ATP6AP1: variants seen among roughly 807,000 people sequenced by gnomAD.
ATP6AP1 encodes ATPase H+ transporting accessory protein 1, also known as V-type proton ATPase subunit S1.
A neutral mutation model predicts 32.0 loss-of-function variants in ATP6AP1; 1 was observed. The ratio of observed to expected loss-of-function variants is 0.03; its 90% CI spans 0.01 to 0.15. ATP6AP1 has a LOEUF of 0.15. ATP6AP1 is among the 10% of genes least tolerant of loss of function. The pLI is 1.00. For synonymous variants in ATP6AP1, 187 were observed against 174.9 expected (o/e 1.07, Z -0.55); for missense variants, 297 against 398.8 (o/e 0.74, Z 2.17).
At chrX:154,432,503 G>A (rs1557197001) in intron 4 of ATP6AP1, 44 bp downstream of exon 4, 2 of 1,134,234 alleles carry the variant, frequency 1.8e-6, no homozygotes, top group Admixed American at 5.5e-5. Context: ...GGCCCAGAGA[G>A]CAGCAAGGCC....
At chrX:154,431,447 T>C (rs1455382721) in intron 2 of ATP6AP1, 1 of 184,205 alleles carries the variant, frequency 5.4e-6, no homozygotes, top group East Asian at 1.3e-4. Flanking sequence ...TCCTTTTCTC[T>C]GGCTGGGAGG....
chrX:154,433,363 T>C (rs1185758174), intron 5 of ATP6AP1, among the ~76,000 whole-genome samples: 2 of 111,806 alleles, frequency 1.8e-5, no homozygotes, highest in Non-Finnish European at 3.8e-5. Context: ...CTTTCATGGG[T>C]GGATGTGGAG....
intron 1 of ATP6AP1, 85 bp downstream of exon 1, chrX:154,428,938 G>T: frequency 8.8e-7 from 1 of 1,131,364 alleles, no homozygotes; most frequent in East Asian, 3.3e-5. Context: ...GGGTGGTGAG[G>T]CCCGGAGGTG....
At position 154,432,437 on chromosome X, in the gene ATP6AP1, A is replaced by C; in HGVS notation, c.535A>C (p.Ile179Leu). The C allele has an allele frequency of 8.4e-7, 1 of 1,191,491 alleles. No individual in the cohort carries two copies. The highest frequency in any genetic ancestry group is 1.1e-6 in the Non-Finnish European group (1 of 885,300). Residue 179 changes from isoleucine (I) to leucine (L), a missense_variant, in exon 4 of 10, where the codon ATT becomes CTT. This residue lies in a region of ATP6AP1 where 155 missense variants were observed against 253.8 expected (regional missense o/e 0.61). Transcript: ENST00000369762. Reference sequence around the variant, plus strand: ...TGCCAGCCTCCCTGCTCTGCTGCTCATTCGCCTGCCCTACACAGCCAGGTA... The same window carrying C: ...TGCCAGCCTCCCTGCTCTGCTGCTCCTTCGCCTGCCCTACACAGCCAGGTA... ...LNASLPALLLIRLPYTASSGL... is the reference protein window; with the variant it reads ...LNASLPALLLLRLPYTASSGL...
rs1557197647 is a variant in ATP6AP1 at position 154,436,031 on chromosome X, C to T, written c.*140C>T. On this transcript the variant is annotated 3_prime_UTR_variant, in exon 10 of 10. Transcript: ENST00000369762. ...CTCCCCTCAGCCCATCTTGCTCCCT[C>T]TTCAGCCCGCTGAGGAGCTTTCTTG... is the stretch of plus-strand genomic sequence containing the variant. 6.8e-6 allele frequency: 4 copies of T among 588,252 alleles called. No individual in the cohort carries two copies. The highest frequency in any genetic ancestry group is 4.5e-5 in the African/African-American group (2 of 44,382). The allele number at this position is 588,252 out of a possible 1,213,427, so 48.5% of individuals were successfully genotyped here.
intron 4 of ATP6AP1, 143 bp from the exon 5 acceptor site, chrX:154,432,788 T>C (rs782107910): frequency 1.9e-4 from 138 of 736,785 alleles, no homozygotes; most frequent in Non-Finnish European, 2.7e-4. Context: ...TGGGATGGGC[T>C]TCCAGGAGGG....
chrX:154,435,112 A>G lies in ATP6AP1; in HGVS notation c.924-27A>G, dbSNP rs73638280. 26,392 of 1,199,224 alleles carry G rather than the reference A, an allele frequency of 0.022. 3,656 individuals carry two copies. The African/African-American group carries it at 0.41, about 19-fold the overall frequency. On this transcript the variant is annotated intron_variant, in intron 7 of 9. Transcript: ENST00000369762. ...GCCAAAGGCCCTCCCAGAGCCTCAC[A>G]GTGCGCCTCTTTCTCTGGCCCCACA...
At chrX:154,434,628 G>C (rs782424252) in intron 7 of ATP6AP1, among the ~76,000 whole-genome samples, 182 bp downstream of exon 7, 1 of 111,592 alleles carries the variant, frequency 9.0e-6, no homozygotes, top group Admixed American at 9.4e-5. Context: ...TGCTGTTGGA[G>C]GGGGAGTTGC....
chrX:154,433,176 C>G (rs1321582962), intron 5 of ATP6AP1, among the ~76,000 whole-genome samples: 1 of 112,040 alleles, frequency 8.9e-6, no homozygotes, highest in Non-Finnish European at 1.9e-5. Flanking sequence ...CCAGACCCCA[C>G]TTGGCAGAGG....
rs190656483 is a variant in ATP6AP1 at position 154,436,283 on chromosome X, G to A, written c.*392G>A. On this transcript the variant is annotated 3_prime_UTR_variant, in exon 10 of 10. Transcript: ENST00000369762. ...GCTCCCTGAGTTTGGGAGTGTGGAA[G>A]TACTACTTAACTGTCTGTCCTGCTT... 1 of 180,034 alleles carries A rather than the reference G, an allele frequency of 5.6e-6. No individual in the cohort carries two copies. Among genetic ancestry groups the A allele is most frequent in the Non-Finnish European group, 1.0e-5 (1 of 96,736 alleles). 14.8% of individuals were successfully genotyped at this position (180,034 alleles called of 1,213,427 possible). A position where few individuals can be genotyped will look rare whatever the true frequency, so the allele number is the denominator to read the frequency against.
In ATP6AP1 at chrX:154,435,932, T is replaced by C; in HGVS notation, c.*41T>C. The C allele has an allele frequency of 8.7e-7, 1 of 1,151,264 alleles. No homozygotes were observed. The highest frequency in any genetic ancestry group is 1.2e-6 in the Non-Finnish European group (1 of 843,171). The allele number at this position is 1,151,264 out of a possible 1,213,427, so 94.9% of individuals were successfully genotyped here. On this transcript the variant is annotated 3_prime_UTR_variant, in exon 10 of 10. Transcript: ENST00000369762. ...GGGGTTGAGGGTGGGACGGTGTCCG[T>C]GTTGTTGCTTTCCCACCCTGCAGCG...
At chrX:154,434,959 G>A (rs1220863093) in intron 7 of ATP6AP1, among the ~76,000 whole-genome samples, 180 bp from the exon 8 acceptor site, 2 of 111,820 alleles carry the variant, frequency 1.8e-5, no homozygotes, top group African/African-American at 3.3e-5. Flanking sequence ...GCTCTGTTCC[G>A]ACCTTGCAAT....
chrX:154,435,036 C>T lies in ATP6AP1; in HGVS notation c.924-103C>T. The T allele has an allele frequency of 3.1e-6, 3 of 964,834 alleles. No homozygotes were observed. In the South Asian group the frequency reaches 6.8e-5, roughly 22 times the overall value. 79.5% of individuals were successfully genotyped at this position (964,834 alleles called of 1,213,427 possible). A position where few individuals can be genotyped will look rare whatever the true frequency, so the allele number is the denominator to read the frequency against. ...CTGCTTCTTCAGGTGGCTGCAAGGA[C>T]CCAAGGCAGCTTAGGTAGGAGCAGA... On this transcript the variant is annotated intron_variant, in intron 7 of 9. Coordinates refer to ENST00000369762, the MANE Select transcript of ATP6AP1 (RefSeq NM_001183.6).
rs1557197277 is a variant in ATP6AP1 at position 154,434,220 on chromosome X, G to A, written c.697G>A (p.Val233Ile). Reference protein sequence around the residue: ...AVRPSRVARDVAVVAGGLGRQ... With the variant: ...AVRPSRVARDIAVVAGGLGRQ... ...GGTGTTTCTGCAGGTGGCCCGTGAT[G>A]TAGCCGTGGTGGCCGGAGGGCTAGG... The change falls in exon 7 of 10, where the codon GTA becomes ATA. Residue 233 changes from valine to isoleucine, a missense_variant. Transcript: ENST00000369762. The A allele has an allele frequency of 1.7e-6, 2 of 1,211,844 alleles. No individual in the cohort carries two copies. The highest frequency in any genetic ancestry group is 2.2e-6 in the Non-Finnish European group (2 of 895,404).
At position 154,431,865 on chromosome X, in the gene ATP6AP1, G is replaced by A; in HGVS notation, c.324G>A (p.Val108=). The change falls in exon 3 of 10, where the codon GTG becomes GTA. Residue 108 remains valine, a synonymous_variant. Coordinates refer to ENST00000369762, the MANE Select transcript of ATP6AP1 (RefSeq NM_001183.6). ...AGGATTTCACAGCATATGGCGGTGT[G>A]TTTGGAAACAAGCAGGACAGCGCCT... The part of the protein sequence containing the change: ...SIEDFTAYGG[V]FGNKQDSAFS... 8.3e-7 allele frequency: 1 copy of A among 1,210,073 alleles called. No homozygotes were observed. Among genetic ancestry groups the A allele is most frequent in the Non-Finnish European group, 1.1e-6 (1 of 895,284 alleles).
rs1175778112 is a variant in ATP6AP1, at chrX:154,429,106, C to G, written c.220C>G (p.Leu74Val). 6 of 1,210,210 alleles carry G rather than the reference C, an allele frequency of 5.0e-6. No individual in the cohort carries two copies. The highest frequency in any genetic ancestry group is 6.7e-6 in the Non-Finnish European group (6 of 895,194). ...AGGCCACATCACCAGCGACTTGCAGCTCTCTACCTACTTAGATCCCGCCCT... is the reference window on the plus strand; with the variant it reads ...AGGCCACATCACCAGCGACTTGCAGGTCTCTACCTACTTAGATCCCGCCCT... Reference protein sequence around the residue: ...HEGHITSDLQLSTYLDPALEL... With the variant: ...HEGHITSDLQVSTYLDPALEL... Residue 74 changes from leucine to valine, a missense_variant, in exon 2 of 10, where the codon CTC becomes GTC. Physicochemically the swap from Leu to Val is conservative, Grantham distance 32. Transcript: ENST00000369762.
chrX:154,432,963 C>G lies in ATP6AP1; in HGVS notation c.590C>G (p.Thr197Arg). The G allele has an allele frequency of 8.3e-7, 1 of 1,211,434 alleles. No individual in the cohort carries two copies. Among genetic ancestry groups the G allele is most frequent in the South Asian group, 1.8e-5 (1 of 56,986 alleles). Residue 197 changes from threonine to arginine, a missense_variant, in exon 5 of 10, where the codon ACA becomes AGA. Physicochemically the swap from Thr to Arg is moderately conservative, Grantham distance 71. Transcript: ENST00000369762. ...SGLMAPREVLTGNDEVIGQVL... is the reference protein window; with the variant it reads ...SGLMAPREVLRGNDEVIGQVL... ...CTGATGGCACCCAGGGAAGTCCTCA[C>G]AGGCAACGGTGAGTAGAATCAGGGA...
intron 4 of ATP6AP1, 24 bp downstream of exon 4, chrX:154,432,483 C>T (rs1557196995): frequency 2.6e-6 from 3 of 1,152,207 alleles, no homozygotes; most frequent in Non-Finnish European, 2.3e-6. Flanking sequence ...GGCCCAGCCA[C>T]CAGCCTCGGG....
Position 154,435,700 on chromosome X carries a change from A to G in ATP6AP1, c.1222A>G (p.Met408Val). The G allele has an allele frequency of 1.7e-6, 2 of 1,211,586 alleles. No individual in the cohort carries two copies. The change falls in exon 10 of 10, where the codon ATG becomes GTG. Residue 408 changes from methionine (M) to valine (V), a missense_variant. Met to Val is a conservative substitution (Grantham distance 21). Transcript: ENST00000369762. Reference protein sequence around the residue: ...QDFQIQAFNVMGEQFSYASDC... With the variant: ...QDFQIQAFNVVGEQFSYASDC... The stretch of plus-strand genomic sequence containing the variant: ...CTGCCAGATCCAGGCTTTCAACGTA[A>G]TGGGGGAGCAGTTCTCCTACGCCAG...
Sources: gnomAD v4.1 joint callset for allele counts (sites outside exome capture counted in the v4.1 genomes callset) on GRCh38, gnomAD v4.1.1 for gene constraint, gnomAD v4.1.1 regional missense constraint, MANE v1.5 for transcripts, NCBI Gene and HGNC (gene_info 2026-07-23, HGNC 2026-07-21) for gene names.